Variants in PGM1 observed in about 807,000 individuals in gnomAD.
PGM1 encodes the protein phosphoglucomutase-1.
In PGM1, 52 loss-of-function variants were observed where a neutral mutation model predicts 55.6. That is an observed-to-expected ratio of 0.94 (90% confidence interval 0.75 to 1.18). PGM1 has a LOEUF of 1.18. Among genes scored for constraint, PGM1 ranks in the 50% most tolerant of loss-of-function variants. PGM1 has a pLI of 0.00. For missense variants in PGM1, 724 were observed against 729.3 expected, an observed-to-expected ratio of 0.99 and a Z score of 0.08; for synonymous variants, 287 against 271.7, an observed-to-expected ratio of 1.06 and a Z score of -0.55.
chr1:63,613,703 CTTTTTT>C (rs56355869), intron 1 of PGM1, among the ~76,000 whole-genome samples: 2 of 121,568 alleles, frequency 1.6e-5, no homozygotes. Flanking sequence ...TTCAATGTAT[CTTTTTT>C]TTTTTTTTTT....
At chr1:63,618,315 G>A (rs563970913) in intron 1 of PGM1, among the ~76,000 whole-genome samples, 6 of 152,204 alleles carry the variant, frequency 3.9e-5, no homozygotes, top group Non-Finnish European at 7.4e-5. Context: ...ATATAATACA[G>A]TCCAAGTTTT....
intron 1 of PGM1, among the ~76,000 whole-genome samples, chr1:63,617,615 G>A (rs962545755): frequency 6.6e-6 from 1 of 151,452 alleles, no homozygotes. Context: ...TTGAGGCTGA[G>A]GCACGAGAAC....
intron 1 of PGM1, chr1:63,600,168 A>G (rs1407090859): frequency 2.0e-5 from 3 of 152,236 alleles, no homozygotes; most frequent in African/African-American, 7.2e-5. Context: ...ACTCTTTTTT[A>G]GAGCCGGACA....
At chr1:63,623,391 A>ACAGAC in intron 1 of PGM1, 1 of 1,556,496 alleles carries the variant, frequency 6.4e-7, no homozygotes, top group South Asian at 1.3e-5. Context: ...TTCAGGTTGG[A>ACAGAC]CAGACCTATT....
chr1:63,593,785 G>C (rs564511247), intron 1 of PGM1, 51 bp downstream of exon 1: 9 of 1,509,916 alleles, frequency 6.0e-6, no homozygotes, highest in South Asian at 3.7e-5. Context: ...CGTGTGCGAC[G>C]TGCGGCCCGC....
At chr1:63,611,246 G>A (rs1648555758) in intron 1 of PGM1, among the ~76,000 whole-genome samples, 1 of 152,130 alleles carries the variant, frequency 6.6e-6, no homozygotes, top group African/African-American at 2.4e-5. Context: ...TTTAAGCCAA[G>A]TCCTGAAGGA....
At chr1:63,605,252 G>C (rs1283111399) in intron 1 of PGM1, among the ~76,000 whole-genome samples, 2 of 152,110 alleles carry the variant, frequency 1.3e-5, no homozygotes, top group Admixed American at 1.3e-4. Flanking sequence ...AAGAGGCAGG[G>C]GTGACTTTTG....
At chr1:63,594,042 T>G in intron 1 of PGM1, 2 of 1,084,240 alleles carry the variant, frequency 1.8e-6, no homozygotes, top group East Asian at 6.7e-5. Context: ...GCCTTCCCTC[T>G]CCCCGTCCCC....
intron 1 of PGM1, among the ~76,000 whole-genome samples, chr1:63,596,106 G>A (rs1398331555): frequency 1.3e-5 from 2 of 152,102 alleles, no homozygotes; most frequent in African/African-American, 2.4e-5. Flanking sequence ...ATTTGGCAGT[G>A]CTGATTTTGT....
intron 1 of PGM1, 79 bp downstream of exon 1, chr1:63,593,813 G>A: frequency 7.4e-7 from 1 of 1,344,362 alleles, no homozygotes; most frequent in Non-Finnish European, 9.4e-7. Flanking sequence ...TCCCTCGCTC[G>A]GGGCCGGCCG....
intron 1 of PGM1, among the ~76,000 whole-genome samples, chr1:63,615,550 CTTTTTTTTTTTTTTTT>C (rs1161161385): frequency 9.5e-5 from 6 of 62,976 alleles, no homozygotes; most frequent in Admixed American, 2.1e-4. Context: ...TCTTCTTCTT[CTTTTTTTTTTTTTTTT>C]TTTTTTTTTT....
chr1:63,626,175 G>T (rs1273919049), intron 1 of PGM1, among the ~76,000 whole-genome samples: 1 of 152,072 alleles, frequency 6.6e-6, no homozygotes, highest in Non-Finnish European at 1.5e-5. Flanking sequence ...TGGCTGAGGG[G>T]GTTATCTCTA....
intron 4 of PGM1, among the ~76,000 whole-genome samples, chr1:63,634,328 C>G (rs1013485036): frequency 6.6e-6 from 1 of 152,082 alleles, no homozygotes; most frequent in Admixed American, 6.6e-5. Flanking sequence ...TACATCAATC[C>G]TGTTAAGTAG....
In PGM1 at chr1:63,638,199, TG is replaced by T. The variant is rs1430745183; in HGVS notation, c.1029-483del. On this transcript the variant is annotated intron_variant, in intron 6 of 10. Coordinates refer to ENST00000371084, the MANE Select transcript of PGM1 (RefSeq NM_002633.3). ...CAGCACTGACCAGAGAGCTGAATAC[TG>T]GGCGGTCGGTCATCCTGGCTTTGTG... Among the ~76,000 whole-genome samples, 4 of 152,320 alleles carry T rather than the reference TG, an allele frequency of 2.6e-5. No homozygotes were observed. The East Asian group carries it at 7.7e-4, about 29-fold the overall frequency.
chr1:63,615,743 T>C (rs566256826), intron 1 of PGM1, among the ~76,000 whole-genome samples: 1 of 151,890 alleles, frequency 6.6e-6, no homozygotes, highest in African/African-American at 2.4e-5. Context: ...GTATTTTTAG[T>C]AGAGACGGGG....
In PGM1 at chr1:63,652,217, C is replaced by T. The variant is rs181254503; in HGVS notation, c.1464+365C>T. On this transcript the variant is annotated intron_variant, in intron 9 of 10. Transcript: ENST00000371084. The stretch of plus-strand genomic sequence containing the variant: ...AACTGTGGGAACTTAGATGTCAACT[C>T]CTCTCTTTTCTGTCAGCAGATTATA... Among the ~76,000 whole-genome samples, 17 of 152,274 alleles carry T rather than the reference C, an allele frequency of 1.1e-4. No individual in the cohort carries two copies. In the East Asian group the frequency reaches 3.1e-3, roughly 28 times the overall value.
intron 1 of PGM1, among the ~76,000 whole-genome samples, chr1:63,601,642 G>A (rs1451061509): frequency 6.6e-6 from 1 of 152,200 alleles, no homozygotes; most frequent in African/African-American, 2.4e-5. Context: ...GAGGACTGCG[G>A]AGAAGACTTT....
At chr1:63,659,470 G>A (rs983809871) in intron 10 of PGM1, 116 bp from the exon 11 acceptor site, 2 of 805,140 alleles carry the variant, frequency 2.5e-6, no homozygotes, top group East Asian at 2.5e-5. Context: ...TTTTGGATTT[G>A]TGGAGTTTGA....
At chr1:63,604,873 A>C (rs1648367534) in intron 1 of PGM1, among the ~76,000 whole-genome samples, 1 of 151,604 alleles carries the variant, frequency 6.6e-6, no homozygotes, top group Non-Finnish European at 1.5e-5. Flanking sequence ...TCCCCACTAC[A>C]TAACTATGTA....
Sources: gnomAD v4.1 joint callset for allele counts (sites outside exome capture counted in the v4.1 genomes callset) on GRCh38, gnomAD v4.1.1 for gene constraint, MANE v1.5 for transcripts, NCBI Gene and HGNC (gene_info 2026-07-23, HGNC 2026-07-21) for gene names.